GRXCR2: variants seen among roughly 807,000 people sequenced by gnomAD.
GRXCR2 encodes glutaredoxin and cysteine rich domain containing 2, also known as glutaredoxin domain-containing cysteine-rich protein 2.
GRXCR2 carries 23 observed loss-of-function variants against 24.8 expected under a neutral mutation model. The ratio of observed to expected loss-of-function variants is 0.93; its 90% CI spans 0.67 to 1.32. The LOEUF (loss-of-function observed/expected upper bound fraction) is 1.32. Ranked by LOEUF, GRXCR2 falls within the 40% of genes most tolerant of loss-of-function variation. GRXCR2 has a pLI of 0.00. For missense variants in GRXCR2, 315 were observed against 303.4 expected, an observed-to-expected ratio of 1.04 and a Z score of -0.28; for synonymous variants, 130 against 116.1, an observed-to-expected ratio of 1.12 and a Z score of -0.77.
At chr5:145,911,981 C>T (rs1757173102) in intron 2 of GRXCR2, among the ~76,000 whole-genome samples, 1 of 152,336 alleles carries the variant, frequency 6.6e-6, no homozygotes, top group South Asian at 2.1e-4. Context: ...CCTGTGGTCA[C>T]AGCTACTCAG....
chr5:145,928,397 T>TA (rs1757430978), intron 2 of GRXCR2, among the ~76,000 whole-genome samples: 1 of 152,136 alleles, frequency 6.6e-6, no homozygotes, highest in Non-Finnish European at 1.5e-5. Flanking sequence ...GCAATCCCAT[T>TA]ACTGGGTATA....
intron 2 of GRXCR2, among the ~76,000 whole-genome samples, chr5:145,882,169 C>T (rs543829280): frequency 6.6e-5 from 10 of 152,196 alleles, no homozygotes; most frequent in East Asian, 3.9e-4. Context: ...AATAGACAAA[C>T]GGGATCTATT....
chr5:145,883,620 C>T (rs551201007), intron 2 of GRXCR2, among the ~76,000 whole-genome samples: 49 of 152,302 alleles, frequency 3.2e-4, no homozygotes, highest in South Asian at 1.0e-3. Flanking sequence ...CAGCCAGGCA[C>T]AGTGGCTCAT....
intron 2 of GRXCR2, among the ~76,000 whole-genome samples, chr5:145,916,088 G>A (rs1179207920): frequency 6.6e-6 from 1 of 152,156 alleles, no homozygotes; most frequent in African/African-American, 2.4e-5. Flanking sequence ...GCTGTGCATG[G>A]TTGTGTGGGA....
chr5:145,858,039 C>T (rs187686762), downstream of GRXCR2, among the ~76,000 whole-genome samples: 6 of 152,246 alleles, frequency 3.9e-5, no homozygotes, highest in East Asian at 9.7e-4. Flanking sequence ...TAGAGCCAGG[C>T]GCGGTGGCTC....
At chr5:145,889,119 G>A (rs971260588) in intron 2 of GRXCR2, among the ~76,000 whole-genome samples, 4 of 150,718 alleles carry the variant, frequency 2.7e-5, no homozygotes, top group African/African-American at 4.9e-5. Context: ...AGCCGAGATC[G>A]CACCACTGCA....
chr5:145,881,482 C>T (rs975339865), intron 2 of GRXCR2, among the ~76,000 whole-genome samples: 8 of 152,050 alleles, frequency 5.3e-5, no homozygotes, highest in Admixed American at 2.6e-4. Flanking sequence ...ATGTGAAGGA[C>T]CTCTTCAAGG....
chr5:145,917,482 G>A (rs1757258600), intron 2 of GRXCR2, among the ~76,000 whole-genome samples: 1 of 152,108 alleles, frequency 6.6e-6, no homozygotes, highest in South Asian at 2.1e-4. Flanking sequence ...GAATCATTCT[G>A]TAAACACCAT....
chr5:145,859,749 T>C lies in GRXCR2; in HGVS notation c.731A>G (p.Gln244Arg). 2 of 1,614,130 alleles carry C rather than the reference T, an allele frequency of 1.2e-6. No individual in the cohort carries two copies. Among genetic ancestry groups the C allele is most frequent in the Non-Finnish European group, 1.7e-6 (2 of 1,179,990 alleles). Residue 244 changes from glutamine to arginine, a missense_variant, in exon 3 of 3, where the codon CAG (glutamine) becomes CGG (arginine). Transcript: ENST00000377976. ...AGCCACGGGCTATTGATTGCAAATC[T>C]GGCAAGGCTGTAGGCCATTCTCATT... is the stretch of plus-strand genomic sequence containing the variant. ...ACNENGLQPC[Q>R]ICNQ
At chr5:145,874,844 C>T (rs1756588162), upstream of GRXCR2, among the ~76,000 whole-genome samples, 1 of 152,188 alleles carries the variant, frequency 6.6e-6, no homozygotes, top group South Asian at 2.1e-4. Context: ...ATTGGTGTTC[C>T]AGTTACACCA....
rs182516047 is a variant in GRXCR2, at chr5:145,899,645, A to C, written c.-69-32917T>G. 2.2e-4 allele frequency among the ~76,000 whole-genome samples: 34 copies of C among 152,312 alleles called. 1 individual carries two copies. Among genetic ancestry groups the C allele is most frequent in the African/African-American group, 8.2e-4 (34 of 41,578 alleles). On this transcript the variant is annotated intron_variant, in intron 2 of 3. Transcript: ENST00000639411. ...CTAATAATCTTCAACAAAGTTGACA[A>C]AAATAAGCAACATGAAAAAGACTCC...
intron 2 of GRXCR2, among the ~76,000 whole-genome samples, chr5:145,903,027 C>G (rs1396454016): frequency 6.6e-6 from 1 of 152,128 alleles, no homozygotes; most frequent in Non-Finnish European, 1.5e-5. Context: ...CCTACATATC[C>G]CTATGATTTT....
upstream of GRXCR2, among the ~76,000 whole-genome samples, chr5:145,873,619 G>T (rs1756567650): frequency 6.6e-6 from 1 of 152,156 alleles, no homozygotes; most frequent in African/African-American, 2.4e-5. Context: ...TCCAGTTCTG[G>T]TTCTAGAAGA....
In GRXCR2 at chr5:145,872,803, CT is replaced by C; in HGVS notation, c.165del (p.Glu56SerfsTer25). 6.2e-7 allele frequency: 1 copy of C among 1,614,208 alleles called. No individual in the cohort carries two copies. The highest frequency in any genetic ancestry group is 1.1e-5 in the South Asian group (1 of 91,084). ...PKEEYPHSFLQESLETMDGVY... is the reference protein window; with the variant it reads ...PKEEYPHSFLXESLETMDGVY... ...ACACCATCCATTGTTTCAAGAGACTCTTGCAGAAAACTGTGAGGGTATTCCT... is the reference window on the plus strand; with the variant it reads ...ACACCATCCATTGTTTCAAGAGACTCTGCAGAAAACTGTGAGGGTATTCCT... On this transcript the variant is annotated frameshift_variant, in exon 1 of 3. Transcript: ENST00000377976. LOFTEE classifies it high-confidence loss of function.
chr5:145,884,912 G>T (rs752069670), intron 2 of GRXCR2, among the ~76,000 whole-genome samples: 8 of 152,072 alleles, frequency 5.3e-5, no homozygotes, highest in Non-Finnish European at 1.2e-4. Context: ...TGTGTATTTT[G>T]GGATTTAGGA....
At chr5:145,900,407 T>G (rs1757009051) in intron 2 of GRXCR2, among the ~76,000 whole-genome samples, 1 of 152,158 alleles carries the variant, frequency 6.6e-6, no homozygotes. Flanking sequence ...GTGAGCCAAT[T>G]AAACCTCTTT....
In GRXCR2 at chr5:145,886,589, C is replaced by G. The variant is rs1021905756; in HGVS notation, c.-69-19861G>C. ...CAAGGGACAAATTTTTCTAACTCCTCCTTCATTTCTAACTTACCATGCATT... is the reference window on the plus strand; with the variant it reads ...CAAGGGACAAATTTTTCTAACTCCTGCTTCATTTCTAACTTACCATGCATT... On this transcript the variant is annotated intron_variant, in intron 2 of 3. Transcript: ENST00000639411. Among the ~76,000 whole-genome samples the G allele has an allele frequency of 3.9e-5, 6 of 152,284 alleles. No homozygotes were observed. The East Asian group carries it at 1.2e-3, about 29-fold the overall frequency.
At chr5:145,895,426 C>A (rs1451227308) in intron 2 of GRXCR2, among the ~76,000 whole-genome samples, 3 of 152,210 alleles carry the variant, frequency 2.0e-5, no homozygotes, top group African/African-American at 7.2e-5. Context: ...TGATAGGCAA[C>A]TTTAGCAAAG....
intron 2 of GRXCR2, among the ~76,000 whole-genome samples, chr5:145,920,938 A>G (rs1304824465): frequency 6.6e-6 from 1 of 152,250 alleles, no homozygotes; most frequent in African/African-American, 2.4e-5. Flanking sequence ...TGAACCAGAG[A>G]GCAGGCCCTC....
Sources: allele counts gnomAD v4.1 joint callset (sites outside exome capture counted in the v4.1 genomes callset), GRCh38; gene constraint gnomAD v4.1.1; transcripts MANE v1.5; gene names NCBI Gene and HGNC (gene_info 2026-07-23, HGNC 2026-07-21).